Variants in DGKB observed in about 807,000 individuals in gnomAD.
DGKB encodes the protein 90 kDa diacylglycerol kinase.
A neutral mutation model predicts 114.3 loss-of-function variants in DGKB; 67 were observed. That is an observed-to-expected ratio of 0.59 (90% CI 0.48 to 0.72). The LOEUF (loss-of-function observed/expected upper bound fraction) is 0.72. Among genes scored for constraint, DGKB ranks in the 30% least tolerant of loss-of-function variants. The pLI is 0.00. For missense variants in DGKB, 907 were observed against 975.2 expected (o/e 0.93, Z 0.93); for synonymous variants, 398 against 323.1 (o/e 1.23, Z -2.49).
At chr7:14,381,163 C>T (rs547804529) in intron 21 of DGKB, among the ~76,000 whole-genome samples, 1 of 152,296 alleles carries the variant, frequency 6.6e-6, no homozygotes, top group South Asian at 2.1e-4. Context: ...GTGTTGGAAC[C>T]TGGCCTTCAA....
intron 2 of DGKB, among the ~76,000 whole-genome samples, chr7:14,776,161 G>A (rs1001823558): frequency 1.1e-4 from 16 of 152,116 alleles, no homozygotes; most frequent in African/African-American, 3.4e-4. Context: ...ATTTGAACTT[G>A]AGAGAAATGA....
intron 25 of DGKB, among the ~76,000 whole-genome samples, chr7:14,157,392 TG>T (rs1211545979): frequency 2.8e-5 from 4 of 144,566 alleles, no homozygotes; most frequent in African/African-American, 1.0e-4. Context: ...TTTTTTTTTA[TG>T]ATTCTAGCCA....
At chr7:14,872,009 G>A (rs1056310824) in intron 1 of DGKB, among the ~76,000 whole-genome samples, 5 of 151,976 alleles carry the variant, frequency 3.3e-5, no homozygotes, top group East Asian at 1.9e-4. Context: ...AGACAGAACC[G>A]GGATTCTCAG....
chr7:14,647,346 A>G (rs1181446867), intron 13 of DGKB, among the ~76,000 whole-genome samples: 2 of 152,130 alleles, frequency 1.3e-5, no homozygotes, highest in Non-Finnish European at 2.9e-5. Context: ...AACAACAACA[A>G]CAACAACAAC....
At chr7:14,823,831 C>G (rs182444498) in intron 2 of DGKB, among the ~76,000 whole-genome samples, 46 of 152,228 alleles carry the variant, frequency 3.0e-4, no homozygotes, top group Admixed American at 9.8e-4. Flanking sequence ...CCCTTGCCTA[C>G]TAATCTATAT....
intron 21 of DGKB, among the ~76,000 whole-genome samples, chr7:14,415,519 T>C (rs948893052): frequency 6.7e-6 from 1 of 148,190 alleles, no homozygotes; most frequent in Non-Finnish European, 1.5e-5. Flanking sequence ...GAACATGCGG[T>C]GTTTGGTTTT....
At chr7:14,241,778 A>G (rs1197877478) in intron 23 of DGKB, among the ~76,000 whole-genome samples, 1 of 152,096 alleles carries the variant, frequency 6.6e-6, no homozygotes, top group African/African-American at 2.4e-5. Context: ...ATTATGGGAG[A>G]AAATATTAAG....
intron 1 of DGKB, among the ~76,000 whole-genome samples, chr7:14,889,660 A>G (rs1312680082): frequency 6.6e-6 from 1 of 151,628 alleles, no homozygotes; most frequent in Non-Finnish European, 1.5e-5. Flanking sequence ...AGAAAAAAAA[A>G]GTTTCATAGG....
At chr7:14,345,767 CTAA>C (rs1812377408) in intron 21 of DGKB, among the ~76,000 whole-genome samples, 1 of 151,258 alleles carries the variant, frequency 6.6e-6, no homozygotes, top group African/African-American at 2.4e-5. Flanking sequence ...CAAGAATTAA[CTAA>C]TAATATAGAA....
intron 2 of DGKB, among the ~76,000 whole-genome samples, chr7:14,812,224 A>T (rs1392344838): frequency 6.6e-6 from 1 of 152,136 alleles, no homozygotes; most frequent in Non-Finnish European, 1.5e-5. Context: ...GCTTTTAGTT[A>T]TTATGAATAA....
At chr7:14,790,041 A>G (rs1047044392) in intron 2 of DGKB, among the ~76,000 whole-genome samples, 5 of 152,196 alleles carry the variant, frequency 3.3e-5, no homozygotes, top group African/African-American at 1.2e-4. Flanking sequence ...CTAATGGGTA[A>G]TGATGTTTAA....
chr7:14,817,149 C>T (rs919178210), intron 2 of DGKB, among the ~76,000 whole-genome samples: 1 of 152,160 alleles, frequency 6.6e-6, no homozygotes, highest in Non-Finnish European at 1.5e-5. Flanking sequence ...AGATCATCTT[C>T]CTCGGGGATC....
At chr7:14,582,596 T>C (rs1375851951) in intron 18 of DGKB, among the ~76,000 whole-genome samples, 1 of 152,112 alleles carries the variant, frequency 6.6e-6, no homozygotes, top group African/African-American at 2.4e-5. Flanking sequence ...CAAGATAACA[T>C]GATGAATAAA....
chr7:14,937,609 G>A (rs1224996662), intron 1 of DGKB, among the ~76,000 whole-genome samples: 2 of 152,214 alleles, frequency 1.3e-5, no homozygotes, highest in South Asian at 2.1e-4. Context: ...ATATGTATGT[G>A]TTTCTTGACT....
intron 13 of DGKB, among the ~76,000 whole-genome samples, chr7:14,642,985 T>A (rs946783138): frequency 1.3e-5 from 2 of 152,078 alleles, no homozygotes; most frequent in African/African-American, 2.4e-5. Flanking sequence ...CCCGACACCA[T>A]CAAGATGGCT....
At chr7:14,583,220 G>T in intron 17 of DGKB, 83 bp from the exon 18 acceptor site, 1 of 723,024 alleles carries the variant, frequency 1.4e-6, no homozygotes, top group South Asian at 2.1e-5. Context: ...CATTTTACCC[G>T]ATGAAATACG....
intron 23 of DGKB, among the ~76,000 whole-genome samples, chr7:14,180,745 G>T (rs1274470537): frequency 6.6e-6 from 1 of 152,156 alleles, no homozygotes; most frequent in East Asian, 1.9e-4. Flanking sequence ...GTTAATCTTT[G>T]AGATCAGGGT....
Position 14,209,896 on chromosome 7 carries a change from C to CT in DGKB, c.2123-31746dup, listed in dbSNP as rs35178096. Among the ~76,000 whole-genome samples, 449 of 146,360 alleles carry CT rather than the reference C, an allele frequency of 3.1e-3. 1 individual carries two copies. The highest frequency in any genetic ancestry group is 7.4e-3 in the African/African-American group (301 of 40,594). On this transcript the variant is annotated intron_variant, in intron 23 of 25. Transcript: ENST00000402815. ...AAAAGGTTATTCACCCTATGGCTGTCTTTTTTTTTTTAATGTTGAGCATTC... is the reference window on the plus strand; with the variant it reads ...AAAAGGTTATTCACCCTATGGCTGTCTTTTTTTTTTTTAATGTTGAGCATTC...
chr7:14,712,239 A>T (rs538048759), intron 6 of DGKB, among the ~76,000 whole-genome samples: 1 of 152,030 alleles, frequency 6.6e-6, no homozygotes, highest in Non-Finnish European at 1.5e-5. Flanking sequence ...TAGAAAAAGC[A>T]AGAAAAAATA....
Sources: allele counts gnomAD v4.1 joint callset (sites outside exome capture counted in the v4.1 genomes callset), GRCh38; gene constraint gnomAD v4.1.1; transcripts MANE v1.5; gene names NCBI Gene and HGNC (gene_info 2026-07-23, HGNC 2026-07-21).